Variants in PDE6B observed in about 807,000 individuals in gnomAD.
PDE6B encodes phosphodiesterase 6B, also known as rod cGMP-specific 3',5'-cyclic phosphodiesterase subunit beta.
PDE6B carries 106 observed loss-of-function variants against 109.0 expected under a neutral mutation model. The ratio of observed to expected loss-of-function variants is 0.97; its 90% confidence interval spans 0.83 to 1.14. The LOEUF (loss-of-function observed/expected upper bound fraction) is 1.14, where lower values mean the gene tolerates loss of function less well. Among genes scored for constraint, PDE6B ranks in the 50% most tolerant of loss-of-function variants. PDE6B has a pLI of 0.00. For synonymous variants in PDE6B, 490 were observed against 471.3 expected, an observed-to-expected ratio of 1.04 and a Z score of -0.51; for missense variants, 1,193 against 1,155.6, an observed-to-expected ratio of 1.03 and a Z score of -0.47.
rs757432347 is a variant in PDE6B, at chr4:662,037, C to T, written c.1615-97C>T. On this transcript the variant is annotated intron_variant, in intron 12 of 21. Coordinates refer to ENST00000496514, the MANE Select transcript of PDE6B (RefSeq NM_000283.4). The surrounding 1 kb of genome is among the most constrained non-coding windows in gnomAD (Gnocchi z 4.3). ...AGGAGACGGTGTGGGGATGATGGCA[C>T]GGAGCAGGGCTTCCACTGTGAAGTC... 1.1e-4 allele frequency: 78 copies of T among 714,666 alleles called. No homozygotes were observed. The highest frequency in any genetic ancestry group is 1.7e-4 in the Non-Finnish European group (66 of 388,940). The allele number at this position is 714,666 out of a possible 1,614,324, so 44.3% of individuals were successfully genotyped here.
chr4:667,240 C>T (rs566316160), intron 20 of PDE6B, among the ~76,000 whole-genome samples: 54 of 152,280 alleles, frequency 3.5e-4, no homozygotes, highest in African/African-American at 1.2e-3. Flanking sequence ...AATCCACGCC[C>T]CAAGGAGGAT....
chr4:647,944 G>A (rs1364499797), intron 3 of PDE6B, among the ~76,000 whole-genome samples: 3 of 151,866 alleles, frequency 2.0e-5, no homozygotes, highest in Non-Finnish European at 4.4e-5. Flanking sequence ...GCGTGGTGGT[G>A]CATGCCTATA....
chr4:666,390 G>T lies in PDE6B; in HGVS notation c.2269-141G>T. On this transcript the variant is annotated intron_variant, in intron 19 of 21. Transcript: ENST00000496514. This position sits in a 1 kb window ranked among gnomAD's most constrained non-coding sequence, Gnocchi z 5.6. ...GGAGAGGGTGTCAGCTTCCCCTCCC[G>T]AGAGCCAGTTTCTGTCAGGCAGGCT... 1 of 687,674 alleles carries T rather than the reference G, an allele frequency of 1.5e-6. No individual in the cohort carries two copies. Among genetic ancestry groups the T allele is most frequent in the South Asian group, 1.5e-5 (1 of 67,100 alleles). 42.6% of individuals were successfully genotyped at this position (687,674 alleles called of 1,614,324 possible).
At position 663,868 on chromosome 4, in the gene PDE6B, C is replaced by A; in HGVS notation, c.2019C>A (p.Phe673Leu). 1 of 1,603,138 alleles carries A rather than the reference C, an allele frequency of 6.2e-7. No individual in the cohort carries two copies. Among genetic ancestry groups the A allele is most frequent in the Non-Finnish European group, 8.5e-7 (1 of 1,174,030 alleles). ...TCGCCACGGACCTGGCCCTGTACTT[C>A]AAGTGCGCGCCTTCCGGGAGGGGGC... The part of the protein sequence containing the change: ...AIIATDLALY[F>L]KKRAMFQKIV... The change falls in exon 16 of 22, where the codon TTC becomes TTA. Residue 673 changes from phenylalanine (F) to leucine (L), a missense_variant and splice_region_variant. Transcript: ENST00000496514. This position sits in a 1 kb window ranked among gnomAD's most constrained non-coding sequence, Gnocchi z 4.0.
At chr4:659,125 C>A in intron 11 of PDE6B, 108 bp downstream of exon 11, 1 of 812,386 alleles carries the variant, frequency 1.2e-6, no homozygotes, top group Non-Finnish European at 2.1e-6. Flanking sequence ...ACACGGTCAT[C>A]AGGGATGTTG....
rs1737202307 is a variant in PDE6B at position 662,315 on chromosome 4, G to A, written c.1722+74G>A. On this transcript the variant is annotated intron_variant, in intron 13 of 21. Coordinates refer to ENST00000496514, the MANE Select transcript of PDE6B (RefSeq NM_000283.4). The surrounding 1 kb of genome is among the most constrained non-coding windows in gnomAD (Gnocchi z 4.3). ...AAGGGCAGCACTCAAGCACCCCGAG[G>A]GATGAGATGGGGGTCCTCCCAGGGC... 4.4e-6 allele frequency: 4 copies of A among 904,036 alleles called. No individual in the cohort carries two copies. Among genetic ancestry groups the A allele is most frequent in the Non-Finnish European group, 7.2e-6 (4 of 558,660 alleles). 56.0% of individuals were successfully genotyped at this position (904,036 alleles called of 1,614,324 possible). A position where few individuals can be genotyped will look rare whatever the true frequency, so the allele number is the denominator to read the frequency against.
Position 634,837 on chromosome 4 carries a change from T to G in PDE6B, c.621+8T>G. On this transcript the variant is annotated splice_region_variant and intron_variant, in intron 2 of 21. Coordinates refer to ENST00000496514, the MANE Select transcript of PDE6B (RefSeq NM_000283.4). Reference sequence around the variant, plus strand: ...ACCAGCGAAGACGAAGATGTGAGTGTGGGGGGCACCTGGGCAGCCGCGCGT... The same window carrying G: ...ACCAGCGAAGACGAAGATGTGAGTGGGGGGGGCACCTGGGCAGCCGCGCGT... The G allele has an allele frequency of 1.9e-6, 3 of 1,613,320 alleles. No individual in the cohort carries two copies. Among genetic ancestry groups the G allele is most frequent in the East Asian group, 2.2e-5 (1 of 44,868 alleles).
intron 21 of PDE6B, 58 bp from the exon 22 acceptor site, chr4:669,988 G>A (rs1738331260): frequency 1.4e-6 from 2 of 1,410,340 alleles, no homozygotes; most frequent in African/African-American, 1.4e-5. Context: ...CAGGAGGGAA[G>A]GAATAGGGCT....
At chr4:628,755 G>C (rs535281945) in intron 1 of PDE6B, among the ~76,000 whole-genome samples, 193 of 152,302 alleles carry the variant, frequency 1.3e-3, no homozygotes, top group Non-Finnish European at 2.4e-3. Context: ...TCACACTCTC[G>C]GGCCTACAGG....
rs779518964 is a variant in PDE6B at position 665,267 on chromosome 4, G to A, written c.2206G>A (p.Val736Met). ...CCTGTGCCTCCAGGTCGCACTTCTC[G>A]TGGCTGCTGAGTTCTGGGAGCAAGG... ...WEVQSKVALL[V>M]AAEFWEQGDL... Residue 736 changes from valine to methionine, a missense_variant, in exon 19 of 22, where the codon GTG becomes ATG. Val to Met is a conservative substitution (Grantham distance 21). Coordinates refer to ENST00000496514, the MANE Select transcript of PDE6B (RefSeq NM_000283.4). The surrounding 1 kb of genome is among the most constrained non-coding windows in gnomAD (Gnocchi z 4.0). 6.8e-6 allele frequency: 11 copies of A among 1,612,664 alleles called. No homozygotes were observed. Among genetic ancestry groups the A allele is most frequent in the Admixed American group, 3.3e-5 (2 of 60,024 alleles).
Position 641,376 on chromosome 4 carries a change from T to G in PDE6B, c.711+5407T>G, listed in dbSNP as rs146152230. 4.2e-3 allele frequency among the ~76,000 whole-genome samples: 647 copies of G among 152,368 alleles called. 3 individuals are homozygous for G. Among genetic ancestry groups the G allele is most frequent in the African/African-American group, 0.014 (602 of 41,582 alleles). On this transcript the variant is annotated intron_variant, in intron 3 of 21. Coordinates refer to ENST00000496514, the MANE Select transcript of PDE6B (RefSeq NM_000283.4). ...GCAATGGACCTTTGTATGTTAACTT[T>G]GTATCCTGGGCAGAGAAGAGGTGAG... is the stretch of plus-strand genomic sequence containing the variant.
intron 1 of PDE6B, among the ~76,000 whole-genome samples, chr4:631,588 T>C (rs1166663953): frequency 7.9e-5 from 12 of 152,160 alleles, no homozygotes; most frequent in Admixed American, 4.6e-4. Context: ...CGTGGATCTG[T>C]GTGGCACCAT....
rs36093261 is a variant in PDE6B, at chr4:662,834, TA to T, written c.1832+238del. On this transcript the variant is annotated intron_variant, in intron 14 of 21. Transcript: ENST00000496514. The surrounding 1 kb of genome is among the most constrained non-coding windows in gnomAD (Gnocchi z 4.3). The stretch of plus-strand genomic sequence containing the variant: ...GCAAGAGCTCTCCTCTACAAAAACT[TA>T]AAAAAAAAAAAAAAAAAAAAAGCTG... 0.15 allele frequency among the ~76,000 whole-genome samples: 13,552 copies of T among 92,128 alleles called. 684 individuals carry two copies. The highest frequency in any genetic ancestry group is 0.16 in the Non-Finnish European group (7,480 of 45,690). 60.4% of individuals were successfully genotyped at this position (92,128 alleles called of 152,430 possible).
rs1388468540 is a variant in PDE6B, at chr4:656,258, T to G, written c.1073T>G (p.Met358Arg). ...VAESGFICNI[M>R]NASADEMFKF... ...ATGCTTTTTCAGATTTGTAACATCA[T>G]GAATGCTTCCGCTGACGAAATGTTC... The change falls in exon 8 of 22, where the codon ATG becomes AGG. Residue 358 changes from methionine to arginine, a missense_variant. Coordinates refer to ENST00000496514, the MANE Select transcript of PDE6B (RefSeq NM_000283.4). 1.3e-6 allele frequency: 2 copies of G among 1,597,122 alleles called. No homozygotes were observed. The highest frequency in any genetic ancestry group is 1.1e-5 in the South Asian group (1 of 90,734).
Position 656,242 on chromosome 4 carries a change from C to A in PDE6B, c.1060-3C>A. The A allele has an allele frequency of 6.3e-7, 1 of 1,591,094 alleles. No homozygotes were observed. Among genetic ancestry groups the A allele is most frequent in the Non-Finnish European group, 8.6e-7 (1 of 1,159,204 alleles). On this transcript the variant is annotated splice_polypyrimidine_tract_variant and splice_region_variant and intron_variant, in intron 7 of 21. Transcript: ENST00000496514. ...TGAAATCGTTTTTCTGATGCTTTTT[C>A]AGATTTGTAACATCATGAATGCTTC...
intron 3 of PDE6B, chr4:653,126 C>G (rs917746522): frequency 2.0e-6 from 2 of 981,036 alleles, no homozygotes; most frequent in African/African-American, 3.5e-5. Context: ...GAGCTGAGTG[C>G]CAGGGGGTGG....
In PDE6B at chr4:633,980, G is replaced by C. The variant is rs1212460724; in HGVS notation, c.469-697G>C. On this transcript the variant is annotated intron_variant, in intron 1 of 21. Coordinates refer to ENST00000496514, the MANE Select transcript of PDE6B (RefSeq NM_000283.4). The surrounding 1 kb of genome is among the most constrained non-coding windows in gnomAD (Gnocchi z 4.5). ...GAGAGGAGGGGCTGCTCTAAATCTG[G>C]TGGGAGTGAGGGTAGGAGTGAGGGT... is the stretch of plus-strand genomic sequence containing the variant. Among the ~76,000 whole-genome samples the C allele has an allele frequency of 6.6e-6, 1 of 151,920 alleles. No homozygotes were observed. Among genetic ancestry groups the C allele is most frequent in the Admixed American group, 6.6e-5 (1 of 15,260 alleles).
intron 3 of PDE6B, among the ~76,000 whole-genome samples, chr4:637,529 T>C (rs1734749266): frequency 6.6e-6 from 1 of 152,164 alleles, no homozygotes; most frequent in African/African-American, 2.4e-5. Flanking sequence ...CCTGGCTTGG[T>C]TTTGAAATGG....
intron 3 of PDE6B, among the ~76,000 whole-genome samples, chr4:644,152 C>T (rs1344977167): frequency 6.6e-6 from 1 of 151,752 alleles, no homozygotes; most frequent in African/African-American, 2.4e-5. Context: ...CTCTCGACCT[C>T]GTGATCTGCC....
Sources: allele counts gnomAD v4.1 joint callset (sites outside exome capture counted in the v4.1 genomes callset), GRCh38; gene constraint gnomAD v4.1.1; non-coding constraint Gnocchi (gnomAD v3.1); transcripts MANE v1.5; gene names NCBI Gene and HGNC (gene_info 2026-07-23, HGNC 2026-07-21).